Variants in RSBN1L observed in about 807,000 individuals in gnomAD.
RSBN1L encodes the protein round spermatid basic protein 1 like.
Under a neutral mutation model 67.7 loss-of-function variants are expected in RSBN1L, and 30 were observed. That is an observed-to-expected ratio of 0.44 (90% CI 0.33 to 0.60). The LOEUF is 0.60. RSBN1L is among the 20% of genes least tolerant of loss of function. The pLI, the probability that RSBN1L is intolerant of heterozygous loss-of-function variation, is 0.02. For synonymous variants in RSBN1L, 433 were observed against 387.0 expected, an observed-to-expected ratio of 1.12 and a Z score of -1.39; for missense variants, 992 against 1,031.7, an observed-to-expected ratio of 0.96 and a Z score of 0.53.
chr7:77,727,089 C>CTTT (rs35249892), intron 1 of RSBN1L, among the ~76,000 whole-genome samples: 2 of 116,988 alleles, frequency 1.7e-5, no homozygotes, highest in Admixed American at 8.8e-5. Context: ...CCATCATCTG[C>CTTT]TTTTTTTTTT....
In RSBN1L at chr7:77,696,517, C is replaced by A; in HGVS notation, c.48C>A (p.Pro16=). The change falls in exon 1 of 8, where the codon CCC becomes CCA. Residue 16 remains proline (P), a synonymous_variant. Coordinates refer to ENST00000334955, the MANE Select transcript of RSBN1L (RefSeq NM_198467.3). ...SPVHCVAAAA[P]TATVSEKEPF... Reference sequence around the variant, plus strand: ...TGCACTGTGTCGCTGCCGCGGCCCCCACCGCCACCGTCTCGGAGAAAGAAC... The same window carrying A: ...TGCACTGTGTCGCTGCCGCGGCCCCAACCGCCACCGTCTCGGAGAAAGAAC... 1 of 1,613,788 alleles carries A rather than the reference C, an allele frequency of 6.2e-7. No homozygotes were observed. The highest frequency in any genetic ancestry group is 1.3e-5 in the African/African-American group (1 of 75,066).
intron 5 of RSBN1L, among the ~76,000 whole-genome samples, chr7:77,772,526 G>A (rs901232418): frequency 6.6e-6 from 1 of 152,230 alleles, no homozygotes. Flanking sequence ...GGGCCAGTGG[G>A]AAATAGCTGT....
At position 77,773,279 on chromosome 7, in the gene RSBN1L, T is replaced by C. The variant is rs1170284034; in HGVS notation, c.1758T>C (p.Ala586=). The change falls in exon 6 of 8, where the codon GCT becomes GCC. Residue 586 remains alanine, a synonymous_variant. Coordinates refer to ENST00000334955, the MANE Select transcript of RSBN1L (RefSeq NM_198467.3). ...GQGFERQTTA[A]VGVLKAVHCG... is the part of the protein sequence containing the mutation. ...GTTTTGAACGACAGACTACAGCTGCTGTTGGAGTGCTGAAGGCTGTGCACT... is the reference window on the plus strand; with the variant it reads ...GTTTTGAACGACAGACTACAGCTGCCGTTGGAGTGCTGAAGGCTGTGCACT... The C allele has an allele frequency of 1.9e-6, 3 of 1,609,130 alleles. No homozygotes were observed. Among genetic ancestry groups the C allele is most frequent in the Admixed American group, 3.4e-5 (2 of 59,012 alleles).
At chr7:77,748,975 G>A (rs1210866682) in intron 2 of RSBN1L, among the ~76,000 whole-genome samples, 1 of 152,012 alleles carries the variant, frequency 6.6e-6, no homozygotes, top group African/African-American at 2.4e-5. Flanking sequence ...AGACTGGCTG[G>A]CTGGGTGTGG....
chr7:77,764,886 C>G (rs939847770), intron 3 of RSBN1L, among the ~76,000 whole-genome samples: 1 of 152,130 alleles, frequency 6.6e-6, no homozygotes, highest in Non-Finnish European at 1.5e-5. Context: ...CTGCCTTGGC[C>G]TCCCAAAGTG....
Position 77,778,340 on chromosome 7 carries a change from C to T in RSBN1L, c.1796C>T (p.Pro599Leu). ...VLKAVHCGEW[P>L]DQPRITKDVI... Reference sequence around the variant, plus strand: ...TGTTATCTCGTTTTCTTTTTTAGGCCTGATCAACCCCGTATAACCAAAGAT... The same window carrying T: ...TGTTATCTCGTTTTCTTTTTTAGGCTTGATCAACCCCGTATAACCAAAGAT... The change falls in exon 7 of 8, where the codon CCT becomes CTT. Residue 599 changes from proline (P) to leucine (L), a missense_variant and splice_region_variant. Transcript: ENST00000334955. 1 of 1,592,508 alleles carries T rather than the reference C, an allele frequency of 6.3e-7. No homozygotes were observed. The highest frequency in any genetic ancestry group is 8.5e-7 in the Non-Finnish European group (1 of 1,171,408).
At chr7:77,715,878 A>C (rs1207299030) in intron 1 of RSBN1L, among the ~76,000 whole-genome samples, 3 of 152,118 alleles carry the variant, frequency 2.0e-5, no homozygotes, top group African/African-American at 7.2e-5. Context: ...GCATCTTTTC[A>C]TGTACTTATT....
intron 1 of RSBN1L, among the ~76,000 whole-genome samples, chr7:77,706,298 G>A (rs1020288734): frequency 6.6e-6 from 1 of 151,918 alleles, no homozygotes; most frequent in African/African-American, 2.4e-5. Context: ...GGCTGGTTTC[G>A]AGCTCCTGAC....
At chr7:77,745,943 C>T (rs1189910732) in intron 2 of RSBN1L, among the ~76,000 whole-genome samples, 2 of 152,090 alleles carry the variant, frequency 1.3e-5, no homozygotes, top group East Asian at 3.9e-4. Context: ...GTTCACCCTC[C>T]TATGAGAATC....
At chr7:77,760,722 T>A (rs117958324) in intron 3 of RSBN1L, among the ~76,000 whole-genome samples, 2,825 of 152,312 alleles carry the variant, frequency 0.019, 39 homozygotes, top group Middle Eastern at 0.071. Flanking sequence ...AACCTCCGCC[T>A]CCTGGGTTCA....
At chr7:77,766,673 A>T (rs972740950) in intron 4 of RSBN1L, among the ~76,000 whole-genome samples, 1 of 152,238 alleles carries the variant, frequency 6.6e-6, no homozygotes, top group Non-Finnish European at 1.5e-5. Flanking sequence ...ACCTACACTG[A>T]AATTCAGGGT....
chr7:77,778,461 C>T lies in RSBN1L; in HGVS notation c.1902+15C>T, dbSNP rs770571761. The stretch of plus-strand genomic sequence containing the variant: ...CACTGTCCCAGGTATTTTTAATACA[C>T]TTACTGTCTTTGGTTTAGTTTTTAT... On this transcript the variant is annotated intron_variant, in intron 7 of 7. Coordinates refer to ENST00000334955, the MANE Select transcript of RSBN1L (RefSeq NM_198467.3). 5 of 1,597,410 alleles carry T rather than the reference C, an allele frequency of 3.1e-6. No individual in the cohort carries two copies. The Admixed American group carries it at 5.2e-5, about 17-fold the overall frequency.
intron 1 of RSBN1L, among the ~76,000 whole-genome samples, chr7:77,712,936 G>A (rs1381631710): frequency 6.6e-6 from 1 of 152,122 alleles, no homozygotes; most frequent in African/African-American, 2.4e-5. Flanking sequence ...TAATGCTTTC[G>A]TGAAAGATAA....
At chr7:77,725,538 C>T (rs1481542801) in intron 1 of RSBN1L, among the ~76,000 whole-genome samples, 2 of 151,964 alleles carry the variant, frequency 1.3e-5, no homozygotes, top group Non-Finnish European at 2.9e-5. Flanking sequence ...TGAGCCATGG[C>T]GCCCGGCCAG....
rs376749582 is a variant in RSBN1L, at chr7:77,696,569, C to A, written c.100C>A (p.Arg34=). 9.9e-6 allele frequency: 16 copies of A among 1,614,122 alleles called. No individual in the cohort carries two copies. The African/African-American group carries it at 1.9e-4, about 19-fold the overall frequency. ...EPFGKLQLSS[R]DPPGSLSAKK... is the part of the protein sequence containing the mutation. Reference sequence around the variant, plus strand: ...GTTTGGCAAGCTGCAACTCTCCTCCCGGGACCCTCCGGGTTCTCTGTCCGC... The same window carrying A: ...GTTTGGCAAGCTGCAACTCTCCTCCAGGGACCCTCCGGGTTCTCTGTCCGC... The change falls in exon 1 of 8, where the codon CGG becomes AGG. Residue 34 remains arginine, a synonymous_variant. Transcript: ENST00000334955.
intron 1 of RSBN1L, among the ~76,000 whole-genome samples, chr7:77,731,530 C>T (rs1791271957): frequency 6.6e-6 from 1 of 152,172 alleles, no homozygotes; most frequent in South Asian, 2.1e-4. Flanking sequence ...GCTACTGTGC[C>T]CAGCCTGGTC....
chr7:77,728,214 TC>T (rs1195767300), intron 1 of RSBN1L, among the ~76,000 whole-genome samples: 3 of 152,224 alleles, frequency 2.0e-5, no homozygotes, highest in Admixed American at 1.3e-4. Context: ...TCAAATAACT[TC>T]CTGTGACAGC....
intron 1 of RSBN1L, among the ~76,000 whole-genome samples, chr7:77,706,061 CCTAA>C (rs1213751387): frequency 3.3e-5 from 5 of 150,950 alleles, no homozygotes; most frequent in African/African-American, 1.2e-4. Flanking sequence ...ACCATGCCCG[CCTAA>C]CTTTTTTATT....
At chr7:77,772,850 G>A (rs1444420064) in intron 5 of RSBN1L, among the ~76,000 whole-genome samples, 1 of 152,106 alleles carries the variant, frequency 6.6e-6, no homozygotes, top group Non-Finnish European at 1.5e-5. Context: ...TCTGAGTGGG[G>A]GCATGGTACC....
Sources: gnomAD v4.1 joint callset for allele counts (sites outside exome capture counted in the v4.1 genomes callset) on GRCh38, gnomAD v4.1.1 for gene constraint, MANE v1.5 for transcripts, NCBI Gene and HGNC (gene_info 2026-07-23, HGNC 2026-07-21) for gene names.